Variants in GATA3 observed in about 807,000 individuals in gnomAD.
The protein encoded by GATA3 is trans-acting T-cell-specific transcription factor GATA-3.
GATA3 carries 6 observed loss-of-function variants against 36.0 expected under a neutral mutation model. The observed-to-expected ratio is 0.17, with a 90% CI of 0.09 to 0.33. The LOEUF is 0.33. Ranked by LOEUF, GATA3 falls within the 10% of genes least tolerant of loss-of-function variation. The pLI is 1.00. For synonymous variants in GATA3, 326 were observed against 273.0 expected (o/e 1.19, Z -1.92); for missense variants, 514 against 610.1 (o/e 0.84, Z 1.66).
chr10:8,061,095 T>C (rs1050019813), intron 3 of GATA3, among the ~76,000 whole-genome samples: 13 of 99,968 alleles, frequency 1.3e-4, no homozygotes, highest in East Asian at 3.3e-4. Context: ...CTCTCTTTTT[T>C]ACCCCTTTAA....
At chr10:8,067,780 T>A (rs950412478) in intron 4 of GATA3, among the ~76,000 whole-genome samples, 1 of 152,188 alleles carries the variant, frequency 6.6e-6, no homozygotes, top group African/African-American at 2.4e-5. Context: ...ATCGCGCCAC[T>A]GCACTCCAGC....
rs1832687166 is a variant in GATA3 at position 8,058,516 on chromosome 10, C to T, written c.453C>T (p.Phe151=). ...GGGGCCACGCCAGCCCGCACCTCTT[C>T]ACCTTCCCGCCCACCCCGCCGAAGG... ...LSGGHASPHL[F]TFPPTPPKDV... The change falls in exon 3 of 6, where the codon TTC becomes TTT. Residue 151 remains phenylalanine, a synonymous_variant. Transcript: ENST00000379328. The T allele has an allele frequency of 1.2e-6, 2 of 1,612,180 alleles. No individual in the cohort carries two copies. The highest frequency in any genetic ancestry group is 2.7e-5 in the African/African-American group (2 of 75,040).
In GATA3 at chr10:8,058,215, G is replaced by C. The variant is rs969879415; in HGVS notation, c.242-90G>C. The C allele has an allele frequency of 1.5e-5, 22 of 1,423,324 alleles. No homozygotes were observed. In the African/African-American group the frequency reaches 2.5e-4, roughly 16 times the overall value. The allele number at this position is 1,423,324 out of a possible 1,614,324, so 88.2% of individuals were successfully genotyped here. Reference sequence around the variant, plus strand: ...CTTTTGCTGAAAAGGAGGCCGATGCGAGGTAGAGATTCCCCAGGTGTCCCT... The same window carrying C: ...CTTTTGCTGAAAAGGAGGCCGATGCCAGGTAGAGATTCCCCAGGTGTCCCT... On this transcript the variant is annotated intron_variant, in intron 2 of 5. Coordinates refer to ENST00000379328, the MANE Select transcript of GATA3 (RefSeq NM_001002295.2).
At chr10:8,069,197 G>A (rs1329563449) in intron 4 of GATA3, among the ~76,000 whole-genome samples, 2 of 152,112 alleles carry the variant, frequency 1.3e-5, no homozygotes, top group Admixed American at 1.3e-4. Context: ...AGACTGCCAG[G>A]GAGGAGGCCC....
At position 8,073,769 on chromosome 10, in the gene GATA3, G is replaced by T. The variant is rs1406172971; in HGVS notation, c.1081G>T (p.Gly361Cys). ...CAGACCCCTGACTATGAAGAAGGAAGGCATCCAGACCAGAAACCGAAAAAT... is the reference window on the plus strand; with the variant it reads ...CAGACCCCTGACTATGAAGAAGGAATGCATCCAGACCAGAAACCGAAAAAT... ...INRPLTMKKE[G>C]IQTRNRKMSS... Residue 361 changes from glycine (G) to cysteine (C), a missense_variant, in exon 6 of 6, where the codon GGC becomes TGC. By Grantham distance (159) the Gly-to-Cys change is radical. Transcript: ENST00000379328. 1 of 1,613,704 alleles carries T rather than the reference G, an allele frequency of 6.2e-7. No homozygotes were observed. The highest frequency in any genetic ancestry group is 2.2e-5 in the East Asian group (1 of 44,882).
upstream of GATA3, among the ~76,000 whole-genome samples, chr10:8,049,991 C>T (rs1015085275): frequency 2.0e-5 from 3 of 152,172 alleles, no homozygotes; most frequent in Non-Finnish European, 2.9e-5. Context: ...CGCGGCGGTC[C>T]CGCGGGCGCC....
upstream of GATA3, among the ~76,000 whole-genome samples, chr10:8,051,966 TC>T (rs1832505853): frequency 6.6e-6 from 1 of 151,554 alleles, no homozygotes; most frequent in South Asian, 2.1e-4. Flanking sequence ...GGCATCCCCC[TC>T]CCATCCTTTT....
intron 3 of GATA3, among the ~76,000 whole-genome samples, chr10:8,062,617 CAAGCA>C (rs765730455): frequency 4.6e-5 from 7 of 152,138 alleles, no homozygotes; most frequent in Non-Finnish European, 8.8e-5. Context: ...TCAAAATTCT[CAAGCA>C]CCCTACTGGG....
upstream of GATA3, chr10:8,051,737 C>G (rs1394318570): frequency 6.6e-6 from 1 of 152,042 alleles, no homozygotes; most frequent in African/African-American, 2.4e-5. Flanking sequence ...TTCCCCCTTA[C>G]CCCCGGCCAG....
At chr10:8,045,380 G>A (rs1832375009) in exon 1 of GATA3, 1 of 152,484 alleles carries the variant, frequency 6.6e-6, no homozygotes, top group African/African-American at 2.4e-5. Context: ...CCTGAGATGC[G>A]GTGAGCAGTT....
intron 5 of GATA3, among the ~76,000 whole-genome samples, chr10:8,070,824 T>C (rs1334501775): frequency 6.6e-6 from 1 of 152,200 alleles, no homozygotes; most frequent in Non-Finnish European, 1.5e-5. Flanking sequence ...CCTGGTGCAG[T>C]GAATGAAACT....
chr10:8,063,537 T>A (rs1434189058), intron 3 of GATA3, among the ~76,000 whole-genome samples: 1 of 152,250 alleles, frequency 6.6e-6, no homozygotes, highest in African/African-American at 2.4e-5. Context: ...CATTATTTAA[T>A]CAATCTCTAT....
At chr10:8,052,793 GC>G (rs1832530728), upstream of GATA3, 1 of 151,824 alleles carries the variant, frequency 6.6e-6, no homozygotes, top group East Asian at 1.9e-4. Flanking sequence ...GGGCAGCCTG[GC>G]TGGCCCAGGA....
At position 8,069,463 on chromosome 10, in the gene GATA3, C is replaced by T. The variant is rs2131511428; in HGVS notation, c.925-10C>T. 1.2e-6 allele frequency: 2 copies of T among 1,613,356 alleles called. No homozygotes were observed. The highest frequency in any genetic ancestry group is 1.7e-6 in the Non-Finnish European group (2 of 1,179,498). ...TTTGATTTCACCCTCTCCTCTCTCC[C>T]CACTCTCAGTCTGCAGCCAGGAGAG... On this transcript the variant is annotated splice_polypyrimidine_tract_variant and intron_variant, in intron 4 of 5. Transcript: ENST00000379328.
chr10:8,054,196 G>A (rs11567881), upstream of GATA3, among the ~76,000 whole-genome samples: 149 of 152,266 alleles, frequency 9.8e-4, 1 homozygote, highest in African/African-American at 3.4e-3. The surrounding 1 kb of genome is among the most constrained non-coding windows in gnomAD (Gnocchi z 4.2). Flanking sequence ...TAACGCGCAC[G>A]TTTCCCCACA....
upstream of GATA3, chr10:8,053,024 G>T (rs1403663430): frequency 6.6e-6 from 1 of 152,008 alleles, no homozygotes; most frequent in Non-Finnish European, 1.5e-5. This position sits in a 1 kb window ranked among gnomAD's most constrained non-coding sequence, Gnocchi z 5.1. Flanking sequence ...AGATCCAAAC[G>T]CGAGACCAGG....
At chr10:8,046,689 G>A (rs975670565) in intron 1 of GATA3, among the ~76,000 whole-genome samples, 1 of 114,000 alleles carries the variant, frequency 8.8e-6, no homozygotes, top group Non-Finnish European at 1.9e-5. Context: ...GTGTGTGTGT[G>A]TGTCAGGGGC....
chr10:8,062,623 C>T (rs781517330), intron 3 of GATA3, among the ~76,000 whole-genome samples: 11 of 152,162 alleles, frequency 7.2e-5, no homozygotes, highest in Non-Finnish European at 8.8e-5. Context: ...TTCTCAAGCA[C>T]CCTACTGGGT....
At chr10:8,048,466 G>A (rs549029401) in intron 1 of GATA3, among the ~76,000 whole-genome samples, 1 of 152,338 alleles carries the variant, frequency 6.6e-6, no homozygotes, top group South Asian at 2.1e-4. Context: ...CTGGGACGGA[G>A]GAGAGGTCGG....
Sources: gnomAD v4.1 joint callset for allele counts (sites outside exome capture counted in the v4.1 genomes callset) on GRCh38, gnomAD v4.1.1 for gene constraint, Gnocchi (gnomAD v3.1) non-coding constraint, MANE v1.5 for transcripts, NCBI Gene and HGNC (gene_info 2026-07-23, HGNC 2026-07-21) for gene names.